The following KDM4C variants were observed in gnomAD, a reference collection of about 807,000 sequenced individuals.
The protein encoded by KDM4C is lysine-specific demethylase 4C.
KDM4C carries 81 observed loss-of-function variants against 129.3 expected under a neutral mutation model. The observed-to-expected ratio is 0.63, with a 90% CI of 0.52 to 0.75. KDM4C has a LOEUF of 0.75. Ranked by LOEUF, KDM4C falls within the 30% of genes least tolerant of loss-of-function variation. KDM4C has a pLI of 0.00. For missense variants in KDM4C, 1,457 were observed against 1,304.0 expected, an observed-to-expected ratio of 1.12 and a Z score of -1.81; for synonymous variants, 573 against 456.1, an observed-to-expected ratio of 1.26 and a Z score of -3.26.
chr9:6,863,218 A>G (rs931454496), intron 5 of KDM4C, among the ~76,000 whole-genome samples: 4 of 151,896 alleles, frequency 2.6e-5, no homozygotes, highest in Non-Finnish European at 5.9e-5. Flanking sequence ...ACATGTTTTA[A>G]TATTGCCTGC....
At chr9:6,749,667 C>A (rs1818005060) in intron 1 of KDM4C, among the ~76,000 whole-genome samples, 1 of 150,960 alleles carries the variant, frequency 6.6e-6, no homozygotes, top group South Asian at 2.1e-4. Context: ...GAGCCTGTCT[C>A]AAAAAAATAA....
chr9:7,169,050 A>G (rs1346478500), intron 20 of KDM4C, among the ~76,000 whole-genome samples: 3 of 23,414 alleles, frequency 1.3e-4, no homozygotes, highest in South Asian at 1.8e-3. Context: ...GTCTCAATTT[A>G]AAAAAAAAAA....
intron 17 of KDM4C, among the ~76,000 whole-genome samples, chr9:7,083,582 A>G (rs7043981): frequency 0.57 from 87,202 of 152,034 alleles, 25,879 homozygotes; most frequent in African/African-American, 0.71. Context: ...CAGTTATAAC[A>G]CAATGCTAAG....
chr9:6,849,373 T>G, intron 4 of KDM4C, 134 bp from the exon 5 acceptor site: 1 of 635,150 alleles, frequency 1.6e-6, no homozygotes. Context: ...TAAGAGTTGT[T>G]TTATTTTTCA....
chr9:6,787,853 T>C (rs1053264502), intron 1 of KDM4C, among the ~76,000 whole-genome samples: 1 of 152,208 alleles, frequency 6.6e-6, no homozygotes, highest in Non-Finnish European at 1.5e-5. Context: ...GGGGAATGGA[T>C]GTTTGAGTAC....
intron 19 of KDM4C, among the ~76,000 whole-genome samples, chr9:7,157,601 A>G (rs901901813): frequency 2.6e-5 from 4 of 152,170 alleles, no homozygotes; most frequent in East Asian, 1.9e-4. Flanking sequence ...TTCTGCATCT[A>G]TTGAGATAAT....
At chr9:7,090,799 C>G (rs958281705) in intron 17 of KDM4C, among the ~76,000 whole-genome samples, 1 of 152,208 alleles carries the variant, frequency 6.6e-6, no homozygotes, top group East Asian at 1.9e-4. Context: ...ATATATGTTT[C>G]CTGTGATATG....
chr9:6,891,553 T>C (rs1206243102), intron 7 of KDM4C, among the ~76,000 whole-genome samples: 2 of 152,154 alleles, frequency 1.3e-5, no homozygotes, highest in Non-Finnish European at 2.9e-5. Flanking sequence ...GGGGTTTCTT[T>C]TTGAGGTGAT....
intron 8 of KDM4C, among the ~76,000 whole-genome samples, chr9:6,949,416 G>C (rs911902115): frequency 6.6e-6 from 1 of 152,144 alleles, no homozygotes; most frequent in South Asian, 2.1e-4. Flanking sequence ...AGGCAGAGAC[G>C]TTCCTCACTT....
At chr9:6,921,536 C>A (rs1180566910) in intron 8 of KDM4C, among the ~76,000 whole-genome samples, 1 of 152,224 alleles carries the variant, frequency 6.6e-6, no homozygotes, top group Non-Finnish European at 1.5e-5. Flanking sequence ...CCACTGCTCA[C>A]CACACTCACC....
At chr9:7,012,761 T>C (rs762162398) in intron 13 of KDM4C, among the ~76,000 whole-genome samples, 11 of 152,222 alleles carry the variant, frequency 7.2e-5, no homozygotes, top group Non-Finnish European at 1.3e-4. Context: ...AGGGTGGAAC[T>C]ATGTGGTTCA....
chr9:6,814,032 T>G (rs1319939870), intron 3 of KDM4C, among the ~76,000 whole-genome samples: 1 of 152,186 alleles, frequency 6.6e-6, no homozygotes, highest in Non-Finnish European at 1.5e-5. Flanking sequence ...GGTGAATTTC[T>G]ACTTTTAGAT....
At chr9:6,949,379 T>C (rs1350291403) in intron 8 of KDM4C, among the ~76,000 whole-genome samples, 1 of 150,862 alleles carries the variant, frequency 6.6e-6, no homozygotes, top group African/African-American at 2.5e-5. Context: ...GCAGAGGGGC[T>C]CCTCACATCC....
At chr9:7,169,363 G>T (rs747816688) in intron 20 of KDM4C, among the ~76,000 whole-genome samples, 3 of 152,142 alleles carry the variant, frequency 2.0e-5, no homozygotes, top group Admixed American at 2.0e-4. Flanking sequence ...TTGAGACGGA[G>T]TCTTACTCTG....
At position 7,011,728 on chromosome 9, in the gene KDM4C, A is replaced by G; in HGVS notation, c.1817A>G (p.Glu606Gly). 2 of 1,614,034 alleles carry G rather than the reference A, an allele frequency of 1.2e-6. No individual in the cohort carries two copies. Among genetic ancestry groups the G allele is most frequent in the Non-Finnish European group, 1.7e-6 (2 of 1,179,988 alleles). ...ELPEVLSIEE[E>G]VEETESWAKP... ...CCTGAGGTTCTGTCCATTGAGGAGG[A>G]AGTGGAAGAAACAGAGTCTTGGGCG... The change falls in exon 13 of 22, where the codon GAA becomes GGA. Residue 606 changes from glutamate to glycine, a missense_variant. Glu to Gly is a moderately conservative substitution (Grantham distance 98). Transcript: ENST00000381309.
At chr9:6,754,119 G>A (rs549035334), upstream of KDM4C, among the ~76,000 whole-genome samples, 6 of 151,758 alleles carry the variant, frequency 4.0e-5, no homozygotes, top group African/African-American at 1.5e-4. Flanking sequence ...CAGGTGATCC[G>A]CCCGCCTCGG....
chr9:6,823,186 G>A (rs1203801080), intron 4 of KDM4C, among the ~76,000 whole-genome samples: 1 of 152,176 alleles, frequency 6.6e-6, no homozygotes, highest in Non-Finnish European at 1.5e-5. Flanking sequence ...TTGCTGAGCG[G>A]TGACACATAG....
chr9:6,913,868 A>T (rs1237737918), intron 8 of KDM4C, among the ~76,000 whole-genome samples: 1 of 152,220 alleles, frequency 6.6e-6, no homozygotes, highest in Non-Finnish European at 1.5e-5. Context: ...TTTAATGGAC[A>T]CATATTACTG....
At chr9:6,760,046 T>C (rs960814296) in intron 1 of KDM4C, among the ~76,000 whole-genome samples, 4 of 152,078 alleles carry the variant, frequency 2.6e-5, no homozygotes, top group Non-Finnish European at 5.9e-5. Context: ...AATGAATTTT[T>C]GAATTTTTTT....
Sources: allele counts gnomAD v4.1 joint callset (sites outside exome capture counted in the v4.1 genomes callset), GRCh38; gene constraint gnomAD v4.1.1; transcripts MANE v1.5; gene names NCBI Gene and HGNC (gene_info 2026-07-23, HGNC 2026-07-21).